The following SH3YL1 variants were observed in gnomAD, a reference collection of about 807,000 sequenced individuals.
SH3YL1 encodes the protein SH3 and SYLF domain containing 1, also known as SH3 domain-containing YSC84-like protein 1.
Under a neutral mutation model 45.8 loss-of-function variants are expected in SH3YL1, and 41 were observed. That is an observed-to-expected ratio of 0.89 (90% CI 0.70 to 1.16). The LOEUF is 1.16. SH3YL1 is among the 50% of genes most tolerant of loss of function. The pLI, the probability that SH3YL1 is intolerant of heterozygous loss-of-function variation, is 0.00. For missense variants in SH3YL1, 389 were observed against 409.6 expected (o/e 0.95, Z 0.43); for synonymous variants, 152 against 151.4 (o/e 1.00, Z -0.03).
intron 1 of SH3YL1, among the ~76,000 whole-genome samples, chr2:259,094 T>C (rs1015117545): frequency 2.0e-5 from 3 of 152,218 alleles, no homozygotes; most frequent in African/African-American, 7.2e-5. Flanking sequence ...CGGTCACTAA[T>C]GGAGTTCACC....
intron 8 of SH3YL1, among the ~76,000 whole-genome samples, chr2:228,495 G>A (rs956348994): frequency 2.6e-5 from 4 of 152,196 alleles, no homozygotes; most frequent in Non-Finnish European, 5.9e-5. Flanking sequence ...TTTTATAAAT[G>A]AGAGGATTTC....
chr2:221,237 C>T (rs1333746268), intron 9 of SH3YL1, among the ~76,000 whole-genome samples: 3 of 152,250 alleles, frequency 2.0e-5, no homozygotes, highest in East Asian at 1.9e-4. Context: ...TGACATTTAT[C>T]GGAGCATTTT....
intron 5 of SH3YL1, among the ~76,000 whole-genome samples, chr2:233,940 C>T (rs1572152503): frequency 6.6e-6 from 1 of 152,178 alleles, no homozygotes; most frequent in Non-Finnish European, 1.5e-5. Context: ...GCTTCCAAAA[C>T]ATTTCATTAT....
chr2:227,569 A>C (rs1208915788), intron 8 of SH3YL1, among the ~76,000 whole-genome samples: 1 of 152,156 alleles, frequency 6.6e-6, no homozygotes, highest in East Asian at 1.9e-4. Context: ...ACAAATAACA[A>C]ATAAATAAAT....
upstream of SH3YL1, chr2:264,040 C>A: frequency 7.3e-7 from 1 of 1,374,882 alleles, no homozygotes; most frequent in Non-Finnish European, 9.5e-7. Flanking sequence ...GAGGAAGGCG[C>A]GCTGCCCCGC....
intron 1 of SH3YL1, chr2:263,696 G>A (rs1386100246): frequency 1.3e-5 from 5 of 396,746 alleles, no homozygotes; most frequent in Non-Finnish European, 2.3e-5. Flanking sequence ...ACACCTCGCC[G>A]TTCAAATATC....
At chr2:260,198 G>A (rs1669530414) in intron 1 of SH3YL1, 2 of 152,110 alleles carry the variant, frequency 1.3e-5, no homozygotes, top group Admixed American at 1.3e-4. Context: ...TAATTATCTT[G>A]GGAGAGATGC....
chr2:249,684 A>T (rs918614461), intron 3 of SH3YL1, 47 bp downstream of exon 3: 10 of 1,359,892 alleles, frequency 7.4e-6, no homozygotes, highest in Non-Finnish European at 1.0e-5. Context: ...AAACAGACAG[A>T]ACAAAGAATG....
intron 4 of SH3YL1, among the ~76,000 whole-genome samples, chr2:239,111 A>G (rs1668433397): frequency 6.6e-6 from 1 of 152,356 alleles, no homozygotes; most frequent in East Asian, 1.9e-4. Flanking sequence ...CTCAGACAGC[A>G]GTGGCTGTTA....
upstream of SH3YL1, chr2:264,399 T>A: frequency 4.9e-6 from 1 of 202,398 alleles, no homozygotes; most frequent in Non-Finnish European, 9.9e-6. Flanking sequence ...GCCCGCCACG[T>A]GCGCGAGACT....
At chr2:261,362 C>T (rs2103062295) in intron 1 of SH3YL1, 1 of 152,280 alleles carries the variant, frequency 6.6e-6, no homozygotes, top group South Asian at 2.1e-4. Context: ...CTCTCATAAA[C>T]GTCTTAAGTC....
chr2:225,919 C>G (rs892315072), intron 8 of SH3YL1, among the ~76,000 whole-genome samples: 30 of 152,098 alleles, frequency 2.0e-4, no homozygotes, highest in Non-Finnish European at 3.4e-4. Flanking sequence ...TATTATATCT[C>G]AAAGTAATAA....
At chr2:223,238 G>T (rs1667651604) in intron 9 of SH3YL1, among the ~76,000 whole-genome samples, 3 of 152,156 alleles carry the variant, frequency 2.0e-5, no homozygotes, top group Non-Finnish European at 4.4e-5. Context: ...AGCCCACTTA[G>T]AGTTTAATTT....
chr2:223,163 TC>T lies in SH3YL1; in HGVS notation c.838+1700del, dbSNP rs1398722902. On this transcript the variant is annotated intron_variant, in intron 9 of 9. Coordinates refer to ENST00000356150, the MANE Select transcript of SH3YL1 (RefSeq NM_015677.4). ...AGAAACCAACCATGGCAAGTGATGT[TC>T]CCTTTGGGTCCCACAGCTGGTAAGT... 4.7e-4 allele frequency among the ~76,000 whole-genome samples: 72 copies of T among 152,324 alleles called. 1 individual carries two copies. Among genetic ancestry groups the T allele is most frequent in the Non-Finnish European group, 3.7e-4 (25 of 68,036 alleles).
intron 9 of SH3YL1, among the ~76,000 whole-genome samples, chr2:224,260 C>A (rs776869552): frequency 1.3e-5 from 2 of 152,144 alleles, no homozygotes; most frequent in African/African-American, 2.4e-5. Flanking sequence ...TTAAGTAAGA[C>A]AGATTGAAGG....
intron 9 of SH3YL1, among the ~76,000 whole-genome samples, chr2:219,604 G>A (rs1170896283): frequency 6.6e-6 from 1 of 152,164 alleles, no homozygotes; most frequent in African/African-American, 2.4e-5. Context: ...GAGCTGCCCA[G>A]ACTATGGTGT....
At chr2:238,006 C>T (rs923862328) in intron 4 of SH3YL1, among the ~76,000 whole-genome samples, 1 of 152,154 alleles carries the variant, frequency 6.6e-6, no homozygotes, top group East Asian at 1.9e-4. Context: ...CACCCCATCT[C>T]CCTCTTGTGT....
At chr2:245,488 T>C (rs1668757462) in intron 4 of SH3YL1, among the ~76,000 whole-genome samples, 1 of 152,212 alleles carries the variant, frequency 6.6e-6, no homozygotes, top group Non-Finnish European at 1.5e-5. Context: ...GCTTTTACTG[T>C]ATAAATCCAT....
At chr2:258,896 G>C (rs1669470487) in intron 1 of SH3YL1, among the ~76,000 whole-genome samples, 1 of 152,166 alleles carries the variant, frequency 6.6e-6, no homozygotes, top group African/African-American at 2.4e-5. Flanking sequence ...AGAAGGCTCA[G>C]GGGGATCCCT....
Sources: gnomAD v4.1 joint callset for allele counts (sites outside exome capture counted in the v4.1 genomes callset) on GRCh38, gnomAD v4.1.1 for gene constraint, MANE v1.5 for transcripts, NCBI Gene and HGNC (gene_info 2026-07-23, HGNC 2026-07-21) for gene names.